The following FLT3 variants were observed in gnomAD, a reference collection of about 807,000 sequenced individuals.
FLT3 encodes receptor-type tyrosine-protein kinase FLT3.
In FLT3, 46 loss-of-function variants were observed where a neutral mutation model predicts 126.6. The ratio of observed to expected loss-of-function variants is 0.36; its 90% confidence interval spans 0.29 to 0.46. The LOEUF (loss-of-function observed/expected upper bound fraction) is 0.46, where lower values mean the gene tolerates loss of function less well. FLT3 is among the 20% of genes least tolerant of loss of function. FLT3 has a pLI of 1.00. For synonymous variants in FLT3, 404 were observed against 434.4 expected, an observed-to-expected ratio of 0.93 and a Z score of 0.87; for missense variants, 1,069 against 1,190.3, an observed-to-expected ratio of 0.90 and a Z score of 1.50.
rs1385974548 is a variant in FLT3, at chr13:28,091,492, A to G, written c.43+8976T>C. On this transcript the variant is annotated intron_variant, in intron 1 of 23. Transcript: ENST00000241453. ...CGCCTCGGCCTCCCAAAGTGCTGGG[A>G]TTACAGGCGTGAGCCACCGCGCCCG... Among the ~76,000 whole-genome samples, 3 of 151,458 alleles carry G rather than the reference A, an allele frequency of 2.0e-5. No homozygotes were observed. In the East Asian group the frequency reaches 5.9e-4, roughly 30 times the overall value.
At chr13:28,041,115 A>G (rs1472228182) in intron 9 of FLT3, among the ~76,000 whole-genome samples, 3 of 152,286 alleles carry the variant, frequency 2.0e-5, no homozygotes, top group Non-Finnish European at 4.4e-5. Flanking sequence ...AGTGGAAACA[A>G]TAGAAAGATT....
intron 1 of FLT3, among the ~76,000 whole-genome samples, chr13:28,071,119 C>T (rs548074007): frequency 6.6e-6 from 1 of 151,118 alleles, no homozygotes; most frequent in Admixed American, 6.6e-5. Context: ...CTCAGCCTCC[C>T]GAGTGGCTGG....
At chr13:28,089,183 A>G (rs1177742495) in intron 1 of FLT3, among the ~76,000 whole-genome samples, 1 of 152,204 alleles carries the variant, frequency 6.6e-6, no homozygotes, top group East Asian at 1.9e-4. Flanking sequence ...TAAAAACCCA[A>G]ACCAAAAAAC....
At chr13:28,039,226 G>C (rs984376021) in intron 9 of FLT3, among the ~76,000 whole-genome samples, 1 of 152,142 alleles carries the variant, frequency 6.6e-6, no homozygotes, top group African/African-American at 2.4e-5. Context: ...TATTGATATG[G>C]AGTCTCACTC....
At chr13:28,042,506 G>GAC (rs1566077846) in intron 9 of FLT3, among the ~76,000 whole-genome samples, 1 of 151,834 alleles carries the variant, frequency 6.6e-6, no homozygotes, top group Non-Finnish European at 1.5e-5. Context: ...GGCAATTTCA[G>GAC]AAAAAGAAGG....
intron 15 of FLT3, among the ~76,000 whole-genome samples, 171 bp downstream of exon 15, chr13:28,033,716 C>G (rs1873564927): frequency 6.6e-6 from 1 of 152,136 alleles, no homozygotes. Context: ...GTATTTATGA[C>G]TTGAATTTTG....
intron 5 of FLT3, among the ~76,000 whole-genome samples, chr13:28,052,135 C>A (rs540718223): frequency 2.5e-4 from 38 of 151,656 alleles, no homozygotes; most frequent in African/African-American, 9.0e-4. Context: ...GCTCTTGTTG[C>A]CCAGGCTGGA....
chr13:28,062,111 G>A (rs1353477378), intron 2 of FLT3, 42 bp from the exon 3 acceptor site: 1 of 1,459,338 alleles, frequency 6.9e-7, no homozygotes, highest in Admixed American at 1.7e-5. Flanking sequence ...GAAAACTGCA[G>A]GTCTAAGGCC....
chr13:28,078,215 G>A (rs150600938), intron 1 of FLT3, among the ~76,000 whole-genome samples: 1,912 of 152,258 alleles, frequency 0.013, 38 homozygotes, highest in African/African-American at 0.043. Context: ...TGGGGGCTCC[G>A]ACCCCACATT....
chr13:28,058,220 C>CAAA (rs58082646), intron 3 of FLT3, among the ~76,000 whole-genome samples: 7 of 127,446 alleles, frequency 5.5e-5, no homozygotes, highest in East Asian at 2.2e-4. Flanking sequence ...AAAAAAAAAA[C>CAAA]AAAAAAAAAA....
At chr13:28,016,115 C>T (rs1474458960) in intron 20 of FLT3, among the ~76,000 whole-genome samples, 1 of 152,204 alleles carries the variant, frequency 6.6e-6, no homozygotes, top group Middle Eastern at 3.4e-3. Context: ...GGGAGGGGAG[C>T]CCACGTCATC....
chr13:28,047,791 T>C (rs949479806), intron 9 of FLT3, among the ~76,000 whole-genome samples: 1 of 152,026 alleles, frequency 6.6e-6, no homozygotes, highest in Non-Finnish European at 1.5e-5. Context: ...TAGTTTCTCA[T>C]ACAAATCCCG....
intron 16 of FLT3, among the ~76,000 whole-genome samples, chr13:28,027,724 A>C (rs907031956): frequency 6.6e-6 from 1 of 152,234 alleles, no homozygotes. Flanking sequence ...ATTTCTAGGC[A>C]GAAGAGAGAA....
chr13:28,032,806 A>C (rs1873464245), intron 15 of FLT3, among the ~76,000 whole-genome samples: 1 of 152,230 alleles, frequency 6.6e-6, no homozygotes, highest in South Asian at 2.1e-4. Context: ...GATGGAGAGA[A>C]GAATCAACAG....
chr13:28,061,856 C>T lies in FLT3; in HGVS notation c.368+11G>A, dbSNP rs1483940183. The stretch of plus-strand genomic sequence containing the variant: ...CCACATTTTATGTCAAGAAGGTATT[C>T]CTCCACTTACCTGTTTTGTAAATCA... On this transcript the variant is annotated intron_variant, in intron 3 of 23. Transcript: ENST00000241453. 2 of 1,601,472 alleles carry T rather than the reference C, an allele frequency of 1.2e-6. No individual in the cohort carries two copies. The highest frequency in any genetic ancestry group is 3.3e-5 in the Admixed American group (2 of 59,920).
chr13:28,070,558 A>G lies in FLT3; in HGVS notation c.98T>C (p.Ile33Thr). The G allele has an allele frequency of 6.2e-7, 1 of 1,604,728 alleles. No individual in the cohort carries two copies. Among genetic ancestry groups the G allele is most frequent in the Non-Finnish European group, 8.5e-7 (1 of 1,171,978 alleles). The stretch of plus-strand genomic sequence containing the variant: ...CTTATGATTGATTAAAACACACTTG[A>G]TCACAGGCAGATCTTGATTTGTAAT... ...GTITNQDLPVIKCVLINHKNN... is the reference protein window; with the variant it reads ...GTITNQDLPVTKCVLINHKNN... Residue 33 changes from isoleucine to threonine, a missense_variant, in exon 2 of 24, where the codon ATC becomes ACC. Transcript: ENST00000241453.
chr13:28,061,787 T>C, intron 3 of FLT3, 80 bp downstream of exon 3: 1 of 1,180,352 alleles, frequency 8.5e-7, no homozygotes, highest in Non-Finnish European at 1.2e-6. Flanking sequence ...AAAAAAGGTT[T>C]ACAATAAACA....
chr13:28,059,517 A>T (rs1301199930), intron 3 of FLT3, among the ~76,000 whole-genome samples: 1 of 152,208 alleles, frequency 6.6e-6, no homozygotes, highest in Non-Finnish European at 1.5e-5. Context: ...GATGTTCCTC[A>T]CAGACAGATC....
chr13:28,023,311 T>C, intron 19 of FLT3, 39 bp downstream of exon 19: 2 of 1,057,428 alleles, frequency 1.9e-6, no homozygotes, highest in East Asian at 2.4e-5. Flanking sequence ...TCTTTTCAAA[T>C]CTTTTTTTTG....
Sources: gnomAD v4.1 joint callset for allele counts (sites outside exome capture counted in the v4.1 genomes callset) on GRCh38, gnomAD v4.1.1 for gene constraint, MANE v1.5 for transcripts, NCBI Gene and HGNC (gene_info 2026-07-23, HGNC 2026-07-21) for gene names.